DHX37: variants seen among roughly 807,000 people sequenced by gnomAD.
The protein encoded by DHX37 is probable ATP-dependent RNA helicase DHX37.
A neutral mutation model predicts 134.3 loss-of-function variants in DHX37; 52 were observed. The ratio of observed to expected loss-of-function variants is 0.39; its 90% confidence interval spans 0.31 to 0.49. The LOEUF is 0.49. Among genes scored for constraint, DHX37 ranks in the 20% least tolerant of loss-of-function variants. DHX37 has a pLI of 0.93. For synonymous variants in DHX37, 634 were observed against 670.7 expected, an observed-to-expected ratio of 0.95 and a Z score of 0.85; for missense variants, 1,344 against 1,580.8, an observed-to-expected ratio of 0.85 and a Z score of 2.54.
rs755528518 is a variant in DHX37 at position 124,972,505 on chromosome 12, T to C, written c.1075A>G (p.Lys359Glu). 7 of 1,614,094 alleles carry C rather than the reference T, an allele frequency of 4.3e-6. No individual in the cohort carries two copies. Among genetic ancestry groups the C allele is most frequent in the South Asian group, 2.2e-5 (2 of 91,078 alleles). The stretch of plus-strand genomic sequence containing the variant: ...GTGAGCCAGGATCCACAACCAACCT[T>C]CTGGATTTCTTTAAGCAGCACACCA... ...TDGVLLKEIQ[K>E]DFLLLRYKVV... The change falls in exon 7 of 27, where the codon AAG becomes GAG. Residue 359 changes from lysine to glutamate, a missense_variant and splice_region_variant. Transcript: ENST00000308736.
At chr12:124,956,396 A>T (rs902425180) in intron 18 of DHX37, among the ~76,000 whole-genome samples, 2 of 152,238 alleles carry the variant, frequency 1.3e-5, no homozygotes, top group Non-Finnish European at 2.9e-5. Flanking sequence ...TCATTCTAAG[A>T]ATTAGCATGT....
chr12:124,972,580 G>T lies in DHX37; in HGVS notation c.1000C>A (p.Arg334=). The change falls in exon 7 of 27, where the codon CGG becomes AGG. Residue 334 remains arginine (R), a synonymous_variant. Transcript: ENST00000308736. ...LSQRVVSYQI[R]YEGNVTEETR... is the part of the protein sequence containing the mutation. Reference sequence around the variant, plus strand: ...TCCTCTGTCACGTTTCCTTCATACCGGATCTGGTAGGAGACGACCCTGTAT... The same window carrying T: ...TCCTCTGTCACGTTTCCTTCATACCTGATCTGGTAGGAGACGACCCTGTAT... The T allele has an allele frequency of 6.2e-7, 1 of 1,614,184 alleles. No individual in the cohort carries two copies. The highest frequency in any genetic ancestry group is 1.7e-5 in the Admixed American group (1 of 60,024).
intron 2 of DHX37, among the ~76,000 whole-genome samples, chr12:124,984,657 C>T (rs571012149): frequency 4.0e-5 from 6 of 151,840 alleles, no homozygotes; most frequent in African/African-American, 9.7e-5. Context: ...CATGAAACAA[C>T]AGGAAATTTA....
At chr12:124,969,318 TG>T (rs1954469573) in intron 8 of DHX37, among the ~76,000 whole-genome samples, 1 of 151,960 alleles carries the variant, frequency 6.6e-6, no homozygotes, top group Non-Finnish European at 1.5e-5. Context: ...CTGGGGTCTG[TG>T]GGGGGTGGGA....
At position 124,947,815 on chromosome 12, in the gene DHX37, G is replaced by T; in HGVS notation, c.3461C>A (p.Thr1154Asn). The change falls in exon 27 of 27, where the codon ACC becomes AAC. Residue 1154 changes from threonine to asparagine, a missense_variant. Physicochemically the swap from Thr to Asn is moderately conservative, Grantham distance 65 (BLOSUM62 0). This residue lies in a region of DHX37 where 558 missense variants were observed against 650.0 expected (regional missense o/e 0.86). Transcript: ENST00000308736. ...CCAGGTTTCTGGTCAGTGGACAGTG[G>T]TGGGGGGCCAGGCTTTCTCGATATC... Reference protein sequence around the residue: ...HPDIEKAWPPTTVH With the variant: ...HPDIEKAWPPNTVH 6.3e-7 allele frequency: 1 copy of T among 1,589,602 alleles called. No individual in the cohort carries two copies. Among genetic ancestry groups the T allele is most frequent in the Non-Finnish European group, 8.6e-7 (1 of 1,166,902 alleles).
chr12:124,948,218 A>C (rs1344248952), intron 25 of DHX37, 37 bp from the exon 26 acceptor site: 2 of 1,604,430 alleles, frequency 1.2e-6, no homozygotes, highest in East Asian at 2.2e-5. Flanking sequence ...GCAGGCAGCC[A>C]GGGCACAGAC....
intron 25 of DHX37, 50 bp from the exon 26 acceptor site, chr12:124,948,231 G>T (rs754734341): frequency 1.3e-6 from 2 of 1,586,044 alleles, no homozygotes; most frequent in Non-Finnish European, 1.7e-6. Flanking sequence ...GCACAGACCG[G>T]CTGCTGCTGG....
chr12:124,964,961 T>A lies in DHX37; in HGVS notation c.1781A>T (p.Tyr594Phe). 6.3e-7 allele frequency: 1 copy of A among 1,598,482 alleles called. No homozygotes were observed. The highest frequency in any genetic ancestry group is 8.5e-7 in the Non-Finnish European group (1 of 1,174,356). Residue 594 changes from tyrosine (Y) to phenylalanine (F), a missense_variant, in exon 14 of 27, where the codon TAC becomes TTC. Coordinates refer to ENST00000308736, the MANE Select transcript of DHX37 (RefSeq NM_032656.4). The part of the protein sequence containing the change: ...ASLPLHVLPL[Y>F]SLLAPEKQAQ... ...TTGCTTCTCTGGGGCCAGCAGAGAG[T>A]ACAGCGGGAGCACGTGGAGCGGGAG...
At chr12:124,975,625 C>A (rs950265833) in intron 5 of DHX37, 114 bp from the exon 6 acceptor site, 1 of 1,100,826 alleles carries the variant, frequency 9.1e-7, no homozygotes, top group Non-Finnish European at 1.3e-6. Context: ...CACCCAGGGG[C>A]GGTGGGAAAC....
chr12:124,973,337 A>G (rs1446238454), intron 6 of DHX37, among the ~76,000 whole-genome samples: 1 of 151,282 alleles, frequency 6.6e-6, no homozygotes, highest in Non-Finnish European at 1.5e-5. Context: ...CCAGGAGGCA[A>G]AGGTTGCAGT....
intron 15 of DHX37, among the ~76,000 whole-genome samples, chr12:124,962,847 A>G (rs2135942768): frequency 6.6e-6 from 1 of 152,312 alleles, no homozygotes; most frequent in East Asian, 1.9e-4. Context: ...AAAAAAAAAA[A>G]AATTAAAAAG....
chr12:124,971,266 G>A, intron 8 of DHX37, 36 bp downstream of exon 8: 1 of 1,600,158 alleles, frequency 6.2e-7, no homozygotes, highest in Admixed American at 1.7e-5. Flanking sequence ...GGGGGCCTAG[G>A]GCTCGGGGCT....
intron 8 of DHX37, among the ~76,000 whole-genome samples, chr12:124,970,663 CT>C (rs1158713100): frequency 4.9e-4 from 74 of 152,352 alleles, no homozygotes; most frequent in African/African-American, 1.7e-3. Flanking sequence ...GCCTGCCACC[CT>C]TGCTGAAGTG....
chr12:124,957,826 C>T (rs1954130245), intron 16 of DHX37, among the ~76,000 whole-genome samples: 1 of 152,034 alleles, frequency 6.6e-6, no homozygotes, highest in African/African-American at 2.4e-5. Context: ...ATCACAATAG[C>T]CAAAAGATGG....
At position 124,971,323 on chromosome 12, in the gene DHX37, G is replaced by A. The variant is rs1343138410; in HGVS notation, c.1170C>T (p.Arg390=). ...YTDILIGLLS[R]IVTLRAKRNL... ...CTACCTTAGCCCGGAGAGTCACAAT[G>A]CGGGACAGGAGGCCGATGAGGATGT... The change falls in exon 8 of 27, where the codon CGC becomes CGT. Residue 390 remains arginine (R), a synonymous_variant. Coordinates refer to ENST00000308736, the MANE Select transcript of DHX37 (RefSeq NM_032656.4). 1 of 1,612,944 alleles carries A rather than the reference G, an allele frequency of 6.2e-7. No individual in the cohort carries two copies. The highest frequency in any genetic ancestry group is 1.3e-5 in the African/African-American group (1 of 74,912).
In DHX37 at chr12:124,982,481, G is replaced by T. The variant is rs182427330; in HGVS notation, c.389+30C>A. 5.8e-5 allele frequency: 94 copies of T among 1,610,606 alleles called. No homozygotes were observed. In the East Asian group the frequency reaches 1.9e-3, roughly 33 times the overall value. ...CTCCCTAGGGGGCCCTGGAGGGAGG[G>T]CAGGGTTAGCAAAGGACTGGCCAAC... On this transcript the variant is annotated intron_variant, in intron 3 of 26. Transcript: ENST00000308736.
rs1471928590 is a variant in DHX37 at position 124,947,895 on chromosome 12, G to T, written c.3389-8C>A. The T allele has an allele frequency of 6.2e-7, 1 of 1,610,008 alleles. No homozygotes were observed. Among genetic ancestry groups the T allele is most frequent in the Non-Finnish European group, 8.5e-7 (1 of 1,177,672 alleles). On this transcript the variant is annotated splice_polypyrimidine_tract_variant and splice_region_variant and intron_variant, in intron 26 of 26. Coordinates refer to ENST00000308736, the MANE Select transcript of DHX37 (RefSeq NM_032656.4). ...AGTACTCAGCCAGCAGGTCTGCAGG[G>T]GAGGGAAGGAGGACAGTGTCAGGGT...
chr12:124,977,833 T>G (rs1046434629), intron 4 of DHX37, among the ~76,000 whole-genome samples: 1 of 152,200 alleles, frequency 6.6e-6, no homozygotes, highest in African/African-American at 2.4e-5. Context: ...AAAGTTAAGA[T>G]GTGTGGCCCT....
intron 8 of DHX37, among the ~76,000 whole-genome samples, chr12:124,971,040 C>T (rs1240094048): frequency 6.6e-6 from 1 of 152,248 alleles, no homozygotes; most frequent in East Asian, 1.9e-4. Flanking sequence ...TCCTGAGCCT[C>T]TTGCTTTGGA....
Sources: allele counts gnomAD v4.1 joint callset (sites outside exome capture counted in the v4.1 genomes callset), GRCh38; gene constraint gnomAD v4.1.1; regional missense constraint gnomAD v4.1.1; transcripts MANE v1.5; gene names NCBI Gene and HGNC (gene_info 2026-07-23, HGNC 2026-07-21).